The following KALRN variants were observed in gnomAD, a reference collection of about 807,000 sequenced individuals.
KALRN encodes the protein kalirin RhoGEF kinase, also known as kalirin.
In KALRN, 70 loss-of-function variants were observed where a neutral mutation model predicts 353.7. The ratio of observed to expected loss-of-function variants is 0.20; its 90% confidence interval spans 0.16 to 0.24. The LOEUF (loss-of-function observed/expected upper bound fraction) is 0.24. Among genes scored for constraint, KALRN ranks in the 10% least tolerant of loss-of-function variants. The pLI is 1.00. For synonymous variants in KALRN, 1,391 were observed against 1,434.8 expected (o/e 0.97, Z 0.69); for missense variants, 2,791 against 3,756.7 (o/e 0.74, Z 6.72).
intron 1 of KALRN, among the ~76,000 whole-genome samples, chr3:124,222,441 G>T (rs890466801): frequency 6.6e-6 from 1 of 152,224 alleles, no homozygotes; most frequent in Non-Finnish European, 1.5e-5. Flanking sequence ...GAGGGGTGAT[G>T]AGTAGTGTTA....
chr3:124,038,880 C>G (rs1342504188), intron 1 of KALRN, among the ~76,000 whole-genome samples: 3 of 152,242 alleles, frequency 2.0e-5, no homozygotes, highest in Non-Finnish European at 2.9e-5. Context: ...ACTCTCTTTC[C>G]TCCAACAAAC....
At chr3:124,452,871 T>C (rs1276015015) in intron 21 of KALRN, among the ~76,000 whole-genome samples, 2 of 152,224 alleles carry the variant, frequency 1.3e-5, no homozygotes, top group Non-Finnish European at 2.9e-5. Flanking sequence ...GCTGCCCTAG[T>C]ATGGCTGCTG....
At chr3:124,629,033 A>G (rs1332680650) in intron 34 of KALRN, among the ~76,000 whole-genome samples, 2 of 152,172 alleles carry the variant, frequency 1.3e-5, no homozygotes, top group Non-Finnish European at 2.9e-5. Flanking sequence ...TCGAGTAGGT[A>G]TGAAAAGCCA....
intron 1 of KALRN, among the ~76,000 whole-genome samples, chr3:124,131,648 T>G: frequency 6.6e-6 from 1 of 152,176 alleles, no homozygotes; most frequent in East Asian, 1.9e-4. Flanking sequence ...CAGTGGCAGC[T>G]GTGACATCAG....
intron 10 of KALRN, among the ~76,000 whole-genome samples, chr3:124,369,225 A>G (rs1174532353): frequency 6.6e-6 from 1 of 152,224 alleles, no homozygotes; most frequent in African/African-American, 2.4e-5. Flanking sequence ...TGTATTTCTA[A>G]ATGCACTCAC....
chr3:124,681,277 C>T (rs887739220), intron 51 of KALRN, among the ~76,000 whole-genome samples: 3 of 152,192 alleles, frequency 2.0e-5, no homozygotes, highest in Admixed American at 2.0e-4. Context: ...TGTGCATATA[C>T]ACATCTTAAC....
Position 124,279,151 on chromosome 3 carries a change from G to A in KALRN, c.969+9896G>A, listed in dbSNP as rs1371979896. On this transcript the variant is annotated intron_variant, in intron 5 of 59. Transcript: ENST00000682506. ...TGCACAGTTCAGGCCTCCTGTGGGG[G>A]ACAGAGAGAGCACTGGCTTTGAAAC... is the stretch of plus-strand genomic sequence containing the variant. Among the ~76,000 whole-genome samples, 5 of 152,156 alleles carry A rather than the reference G, an allele frequency of 3.3e-5. No homozygotes were observed. In the South Asian group the frequency reaches 8.3e-4, roughly 25 times the overall value.
intron 33 of KALRN, among the ~76,000 whole-genome samples, chr3:124,510,670 C>T (rs1331957545): frequency 1.3e-5 from 2 of 152,070 alleles, no homozygotes; most frequent in Non-Finnish European, 2.9e-5. Flanking sequence ...TTTGTAGCTG[C>T]CGTCAGTGTA....
intron 1 of KALRN, among the ~76,000 whole-genome samples, chr3:124,120,711 A>ATATATATATATATATATAT (rs2063898907): frequency 6.4e-4 from 63 of 98,848 alleles, no homozygotes; most frequent in African/African-American, 2.5e-3. Context: ...GAATACTAAA[A>ATATATATATATATATATAT]ATATATATAT....
rs981349869 is a variant in KALRN at position 124,527,308 on chromosome 3, C to G, written c.4935+30895C>G. Among the ~76,000 whole-genome samples, 9 of 152,088 alleles carry G rather than the reference C, an allele frequency of 5.9e-5. No homozygotes were observed. In the East Asian group the frequency reaches 1.5e-3, roughly 26 times the overall value. On this transcript the variant is annotated intron_variant, in intron 33 of 59. Coordinates refer to ENST00000682506, the MANE Select transcript of KALRN (RefSeq NM_001388419.1). ...TTTATAAATCTCTCTTTATTACTTCCCACAAAAAGCATGAAGATTGGCTGG... is the reference window on the plus strand; with the variant it reads ...TTTATAAATCTCTCTTTATTACTTCGCACAAAAAGCATGAAGATTGGCTGG...
intron 58 of KALRN, 93 bp from the exon 59 acceptor site, chr3:124,717,154 A>G (rs918107229): frequency 6.6e-5 from 81 of 1,218,526 alleles, no homozygotes; most frequent in Non-Finnish European, 8.9e-5. Flanking sequence ...TAAGTATGAG[A>G]GAGTTTAGAG....
intron 1 of KALRN, among the ~76,000 whole-genome samples, chr3:124,040,763 G>T (rs968598722): frequency 3.9e-5 from 6 of 152,126 alleles, no homozygotes; most frequent in African/African-American, 9.7e-5. Flanking sequence ...GCATCTAGTG[G>T]TCTCTGACAC....
intron 7 of KALRN, among the ~76,000 whole-genome samples, 199 bp downstream of exon 7, chr3:124,326,370 G>C (rs2079913787): frequency 6.6e-6 from 1 of 152,178 alleles, no homozygotes; most frequent in Non-Finnish European, 1.5e-5. Context: ...AAGAAACATT[G>C]GTAACTCTTG....
chr3:124,326,660 A>G (rs1397282120), intron 7 of KALRN, among the ~76,000 whole-genome samples: 1 of 152,248 alleles, frequency 6.6e-6, no homozygotes, highest in African/African-American at 2.4e-5. Flanking sequence ...GGCATTGGCC[A>G]GTGACATTGC....
chr3:124,458,035 G>C (rs2059495730), intron 23 of KALRN, among the ~76,000 whole-genome samples: 2 of 152,078 alleles, frequency 1.3e-5, no homozygotes, highest in Non-Finnish European at 2.9e-5. Flanking sequence ...CAGCACTTTG[G>C]GAGGCCGAGG....
intron 1 of KALRN, among the ~76,000 whole-genome samples, chr3:124,183,325 G>C (rs1483267516): frequency 6.6e-6 from 1 of 152,130 alleles, no homozygotes; most frequent in African/African-American, 2.4e-5. Context: ...CTTCTGGTGA[G>C]GTCTCAGGAA....
Position 124,674,455 on chromosome 3 carries a change from G to A in KALRN, c.7034G>A (p.Gly2345Asp), listed in dbSNP as rs41264665. Residue 2345 changes from glycine to aspartate, a missense_variant, in exon 49 of 60, where the codon GGT (glycine) becomes GAT (aspartate). By Grantham distance (94) the Gly-to-Asp change is moderately conservative (BLOSUM62 -1). This residue lies in a region of KALRN where 1,065 missense variants were observed against 1,156.4 expected (regional missense o/e 0.92). Transcript: ENST00000682506. ...LKENEICVSQGEVVQVLAVNQ... is the reference protein window; with the variant it reads ...LKENEICVSQDEVVQVLAVNQ... ...GAGAATGAAATCTGTGTGAGCCAAG[G>A]TGAGGTGGTCCAGGTCCTCGCCGTC... 2.0e-4 allele frequency: 329 copies of A among 1,614,076 alleles called. No individual in the cohort carries two copies. The highest frequency in any genetic ancestry group is 2.6e-4 in the Non-Finnish European group (311 of 1,180,000).
At chr3:124,672,170 A>G (rs1232289133) in intron 48 of KALRN, among the ~76,000 whole-genome samples, 1 of 152,098 alleles carries the variant, frequency 6.6e-6, no homozygotes, top group African/African-American at 2.4e-5. Context: ...CTGGTCTCAA[A>G]TTCCTGGCCT....
chr3:124,112,128 C>A lies in KALRN; in HGVS notation c.73+78315C>A, dbSNP rs577603611. On this transcript the variant is annotated intron_variant, in intron 1 of 59. Coordinates refer to ENST00000682506, the MANE Select transcript of KALRN (RefSeq NM_001388419.1). ...GACCAGACTGGCCAACATGGTGAAA[C>A]CTTGCCTCTACCAAAAACACAAAAA... Among the ~76,000 whole-genome samples the A allele has an allele frequency of 3.3e-5, 5 of 152,024 alleles. No individual in the cohort carries two copies. The South Asian group carries it at 1.0e-3, about 32-fold the overall frequency.
Sources: allele counts gnomAD v4.1 joint callset (sites outside exome capture counted in the v4.1 genomes callset), GRCh38; gene constraint gnomAD v4.1.1; regional missense constraint gnomAD v4.1.1; transcripts MANE v1.5; gene names NCBI Gene and HGNC (gene_info 2026-07-23, HGNC 2026-07-21).